MED12L: variants seen among roughly 807,000 people sequenced by gnomAD.
The protein encoded by MED12L is mediator complex subunit 12L, also known as mediator of RNA polymerase II transcription subunit 12-like protein.
MED12L carries 60 observed loss-of-function variants against 281.3 expected under a neutral mutation model. The ratio of observed to expected loss-of-function variants is 0.21; its 90% CI spans 0.17 to 0.26. The LOEUF (loss-of-function observed/expected upper bound fraction) is 0.26. MED12L is among the 10% of genes least tolerant of loss of function. The pLI is 1.00. For synonymous variants in MED12L, 974 were observed against 987.2 expected (o/e 0.99, Z 0.25); for missense variants, 2,146 against 2,680.9 (o/e 0.80, Z 4.41).
intron 16 of MED12L, among the ~76,000 whole-genome samples, chr3:151,298,350 G>C (rs1182510856): frequency 6.6e-6 from 1 of 152,186 alleles, no homozygotes; most frequent in Non-Finnish European, 1.5e-5. Context: ...ATTGACAGTA[G>C]CTTGGTCATT....
chr3:151,173,178 C>T (rs567738435), intron 11 of MED12L, among the ~76,000 whole-genome samples: 18 of 151,694 alleles, frequency 1.2e-4, no homozygotes, highest in Non-Finnish European at 2.5e-4. Context: ...GTGAGATGCA[C>T]GTTATTCTTT....
chr3:151,309,069 A>C (rs1747090229), intron 16 of MED12L, among the ~76,000 whole-genome samples: 1 of 151,802 alleles, frequency 6.6e-6, no homozygotes, highest in African/African-American at 2.4e-5. Context: ...CCTCACCCAT[A>C]TGTAGTAAAA....
chr3:151,244,028 A>G (rs1356430767), intron 16 of MED12L, among the ~76,000 whole-genome samples: 35 of 121,466 alleles, frequency 2.9e-4, no homozygotes, highest in Non-Finnish European at 5.6e-4. Flanking sequence ...GAAGGCCATT[A>G]CATAATGGTA....
At chr3:151,109,324 G>A (rs1428785050) in intron 2 of MED12L, among the ~76,000 whole-genome samples, 3 of 152,186 alleles carry the variant, frequency 2.0e-5, no homozygotes, top group Non-Finnish European at 2.9e-5. Flanking sequence ...CCCAAAGTGC[G>A]TGAGCCACCG....
At chr3:151,239,589 T>C (rs1733659089) in intron 16 of MED12L, among the ~76,000 whole-genome samples, 1 of 152,222 alleles carries the variant, frequency 6.6e-6, no homozygotes, top group Admixed American at 6.5e-5. Context: ...ACCTGCTATT[T>C]AAAAGTTTTA....
intron 16 of MED12L, among the ~76,000 whole-genome samples, chr3:151,312,858 A>G (rs1352114667): frequency 6.6e-6 from 1 of 152,142 alleles, no homozygotes; most frequent in East Asian, 1.9e-4. Flanking sequence ...CAGCCCTCAT[A>G]AGATTGTTTT....
At chr3:151,098,839 A>G (rs551739860) in intron 2 of MED12L, among the ~76,000 whole-genome samples, 1 of 152,302 alleles carries the variant, frequency 6.6e-6, no homozygotes, top group East Asian at 1.9e-4. Context: ...CACACTGCTG[A>G]TAAAACGACA....
intron 16 of MED12L, among the ~76,000 whole-genome samples, chr3:151,307,188 T>C (rs770044548): frequency 1.2e-4 from 19 of 152,214 alleles, no homozygotes; most frequent in Non-Finnish European, 2.5e-4. Flanking sequence ...TGACTTTATG[T>C]GTATGTGTAT....
chr3:151,097,858 A>G (rs761497076), intron 2 of MED12L, among the ~76,000 whole-genome samples: 1 of 152,206 alleles, frequency 6.6e-6, no homozygotes, highest in Non-Finnish European at 1.5e-5. Context: ...GGAGTGATGG[A>G]CTTGTAAATG....
At chr3:151,091,298 G>A (rs567329314) in intron 2 of MED12L, among the ~76,000 whole-genome samples, 4 of 152,206 alleles carry the variant, frequency 2.6e-5, no homozygotes, top group East Asian at 3.9e-4. Flanking sequence ...GTCTGCATGC[G>A]GATATCCCAG....
chr3:151,138,008 T>A (rs1052217608), intron 5 of MED12L, among the ~76,000 whole-genome samples: 3 of 152,196 alleles, frequency 2.0e-5, no homozygotes, highest in African/African-American at 7.2e-5. Flanking sequence ...TCTATCTCCA[T>A]CTTTTCACAC....
intron 11 of MED12L, among the ~76,000 whole-genome samples, chr3:151,184,170 A>C (rs924404590): frequency 1.3e-5 from 2 of 152,206 alleles, no homozygotes; most frequent in Non-Finnish European, 2.9e-5. Context: ...TTAAATGACA[A>C]AATTTAGGGT....
chr3:151,160,721 T>G (rs1180725129), intron 8 of MED12L, among the ~76,000 whole-genome samples: 1 of 152,194 alleles, frequency 6.6e-6, no homozygotes, highest in African/African-American at 2.4e-5. Flanking sequence ...GTCTCCACTC[T>G]CAGAGTTTAC....
At chr3:151,282,622 G>C (rs1176206966) in intron 16 of MED12L, among the ~76,000 whole-genome samples, 2 of 152,164 alleles carry the variant, frequency 1.3e-5, no homozygotes, top group African/African-American at 4.8e-5. Context: ...AATGCTTCTT[G>C]TTGGATGGCT....
At position 151,180,104 on chromosome 3, in the gene MED12L, AATTG is replaced by A. The variant is rs530164797; in HGVS notation, c.1495-5223_1495-5220del. 1.5e-3 allele frequency among the ~76,000 whole-genome samples: 236 copies of A among 152,356 alleles called. 1 individual carries two copies. Among genetic ancestry groups the A allele is most frequent in the African/African-American group, 5.5e-3 (229 of 41,590 alleles). On this transcript the variant is annotated intron_variant, in intron 11 of 44. Coordinates refer to ENST00000687756, the MANE Select transcript of MED12L (RefSeq NM_001393769.1). ...GAAATGCATAACTTTTTATAGGCATAATTGATAAAAGGACAAGAAAATTTTTGTG... is the reference window on the plus strand; with the variant it reads ...GAAATGCATAACTTTTTATAGGCATAATAAAAGGACAAGAAAATTTTTGTG...
chr3:151,432,922 T>A lies in MED12L; in HGVS notation c.*118T>A. 1 of 719,174 alleles carries A rather than the reference T, an allele frequency of 1.4e-6. No individual in the cohort carries two copies. The highest frequency in any genetic ancestry group is 2.2e-5 in the South Asian group (1 of 44,480). The allele number at this position is 719,174 out of a possible 1,614,324, so 44.5% of individuals were successfully genotyped here. On this transcript the variant is annotated 3_prime_UTR_variant, in exon 45 of 45. Coordinates refer to ENST00000687756, the MANE Select transcript of MED12L (RefSeq NM_001393769.1). Reference sequence around the variant, plus strand: ...TTTTCATTTCTTTGACATTTTACTATATTTTATGCTACATCTCACAAAAAA... The same window carrying A: ...TTTTCATTTCTTTGACATTTTACTAAATTTTATGCTACATCTCACAAAAAA...
At chr3:151,414,541 C>T (rs769747442) in intron 42 of MED12L, among the ~76,000 whole-genome samples, 42 of 152,092 alleles carry the variant, frequency 2.8e-4, no homozygotes, top group Non-Finnish European at 1.0e-4. Flanking sequence ...CCACAAGCTC[C>T]GGTGGGTTTG....
At chr3:151,370,377 T>A (rs547175865) in intron 26 of MED12L, among the ~76,000 whole-genome samples, 3 of 152,118 alleles carry the variant, frequency 2.0e-5, no homozygotes, top group Non-Finnish European at 4.4e-5. Context: ...TTTAGATGAG[T>A]CCTAAATAAC....
At position 151,145,813 on chromosome 3, in the gene MED12L, G is replaced by A. The variant is rs900581445; in HGVS notation, c.557-10348G>A. ...TTGATGGCACCAGGACCACCCATTC[G>A]GAAATGTGTTAGCTGCCCTTTCTCT... On this transcript the variant is annotated intron_variant, in intron 5 of 44. Coordinates refer to ENST00000687756, the MANE Select transcript of MED12L (RefSeq NM_001393769.1). Among the ~76,000 whole-genome samples, 13 of 152,272 alleles carry A rather than the reference G, an allele frequency of 8.5e-5. 2 individuals are homozygous for A. Among genetic ancestry groups the A allele is most frequent in the Admixed American group, 5.2e-4 (8 of 15,292 alleles).
Sources: allele counts gnomAD v4.1 joint callset (sites outside exome capture counted in the v4.1 genomes callset), GRCh38; gene constraint gnomAD v4.1.1; transcripts MANE v1.5; gene names NCBI Gene and HGNC (gene_info 2026-07-23, HGNC 2026-07-21).